Variants in RGPD5 observed in about 807,000 individuals in gnomAD.
RGPD5 encodes RANBP2 like and GRIP domain containing 5.
the RGPD5 span, among the ~76,000 whole-genome samples, chr2:109,761,211 T>G: frequency 7.0e-6 from 1 of 143,066 alleles, no homozygotes; most frequent in African/African-American, 2.6e-5. Flanking sequence ...GAAGTGCCCT[T>G]AGAGGATGCT....
chr2:109,772,451 T>G, the RGPD5 span, among the ~76,000 whole-genome samples: 1 of 85,720 alleles, frequency 1.2e-5, no homozygotes, highest in Non-Finnish European at 2.3e-5. Flanking sequence ...GGGAGCGGGG[T>G]AGGGATATGG....
chr2:109,767,417 TATGTTTCACTGAGA>T, the RGPD5 span, among the ~76,000 whole-genome samples: 2 of 139,328 alleles, frequency 1.4e-5, no homozygotes, highest in South Asian at 2.6e-4. Flanking sequence ...CATAATCTTT[TATGTTTCACTGAGA>T]ATGTATTGCA....
chr2:109,774,683 CT>C, the RGPD5 span, among the ~76,000 whole-genome samples: 3 of 50,550 alleles, frequency 5.9e-5, no homozygotes, highest in Admixed American at 3.7e-4. Context: ...AGGTTTTAGA[CT>C]AGTGGAATTC....
chr2:109,764,603 C>T, the RGPD5 span, among the ~76,000 whole-genome samples: 1 of 149,114 alleles, frequency 6.7e-6, no homozygotes, highest in Admixed American at 6.9e-5. Context: ...AAGTTTTCAA[C>T]ACTGGTGATT....
At chr2:109,766,705 A>G in the RGPD5 span, among the ~76,000 whole-genome samples, 22 of 115,804 alleles carry the variant, frequency 1.9e-4, no homozygotes, top group African/African-American at 9.0e-4. Flanking sequence ...ATTAATAGGC[A>G]AATTAAGAAA....
chr2:109,771,169 T>C, the RGPD5 span, among the ~76,000 whole-genome samples: 1 of 12,362 alleles, frequency 8.1e-5, no homozygotes, highest in African/African-American at 6.0e-4. Context: ...CTCGAGGAAA[T>C]AGATGGCAAC....
the RGPD5 span, among the ~76,000 whole-genome samples, chr2:109,778,290 A>C: frequency 1.5e-5 from 2 of 134,612 alleles, no homozygotes; most frequent in Non-Finnish European, 1.6e-5. Context: ...TCATTTTTTC[A>C]TTTGTAAAAT....
the RGPD5 span, among the ~76,000 whole-genome samples, chr2:109,766,287 G>C: frequency 1.6e-3 from 244 of 151,070 alleles, 4 homozygotes; most frequent in South Asian, 0.011. Context: ...GAGGCAGGGG[G>C]CCTCGATGGG....
the RGPD5 span, among the ~76,000 whole-genome samples, chr2:109,762,451 A>G: frequency 1.3e-5 from 2 of 149,332 alleles, no homozygotes; most frequent in South Asian, 2.2e-4. Context: ...CTGTTTCGGT[A>G]TATTTTTATG....
At chr2:109,764,310 GC>G in the RGPD5 span, among the ~76,000 whole-genome samples, 3 of 146,698 alleles carry the variant, frequency 2.0e-5, no homozygotes, top group African/African-American at 7.5e-5. Flanking sequence ...GCGCAAGGCT[GC>G]CCCCTCCACT....
chr2:109,763,048 CT>C, the RGPD5 span, among the ~76,000 whole-genome samples: 1 of 149,524 alleles, frequency 6.7e-6, no homozygotes, highest in Non-Finnish European at 1.5e-5. Context: ...TATTTGAGAA[CT>C]TTCTGTGTGT....
In RGPD5 at chr2:109,794,465, G is replaced by A; in HGVS notation, c.-1G>A. 3 of 462,030 alleles carry A rather than the reference G, an allele frequency of 6.5e-6. No individual in the cohort carries two copies. Among genetic ancestry groups the A allele is most frequent in the Non-Finnish European group, 4.8e-6 (2 of 418,200 alleles). 28.6% of individuals were successfully genotyped at this position (462,030 alleles called of 1,614,324 possible). On this transcript the variant is annotated 5_prime_UTR_variant, in exon 1 of 23. Transcript: ENST00000016946. ...GTCTCGGGAGCCAGGTTGGCGGCGCGATGAGGCGCAGCAAGGCCGATGTGG... is the reference window on the plus strand; with the variant it reads ...GTCTCGGGAGCCAGGTTGGCGGCGCAATGAGGCGCAGCAAGGCCGATGTGG...
the RGPD5 span, among the ~76,000 whole-genome samples, chr2:109,774,511 TA>T: frequency 2.5e-5 from 2 of 79,620 alleles, 1 homozygote; most frequent in African/African-American, 1.4e-4. Flanking sequence ...TATATATATA[TA>T]TAATATATAT....
chr2:109,764,089 G>GGATAA, the RGPD5 span, among the ~76,000 whole-genome samples: 1 of 147,872 alleles, frequency 6.8e-6, no homozygotes, highest in African/African-American at 2.5e-5. Flanking sequence ...CCAGATGGCT[G>GGATAA]TTTCAACTTT....
the RGPD5 span, among the ~76,000 whole-genome samples, chr2:109,761,258 C>T: frequency 6.7e-6 from 1 of 148,460 alleles, no homozygotes; most frequent in Non-Finnish European, 1.5e-5. Flanking sequence ...CGGCTGCATC[C>T]TTTCTGTCTC....
At chr2:109,765,380 CTCTT>C in the RGPD5 span, among the ~76,000 whole-genome samples, 2 of 149,376 alleles carry the variant, frequency 1.3e-5, no homozygotes, top group South Asian at 4.3e-4. Flanking sequence ...CTCTTTCTTT[CTCTT>C]TCTTTTTTTT....
chr2:109,761,270 CCCACCCACTT>C, the RGPD5 span, among the ~76,000 whole-genome samples: 1 of 146,726 alleles, frequency 6.8e-6, no homozygotes, highest in Non-Finnish European at 1.5e-5. Flanking sequence ...TTCTGTCTCT[CCCACCCACTT>C]CCACCGAGAT....
At chr2:109,764,428 G>A in the RGPD5 span, among the ~76,000 whole-genome samples, 2 of 148,198 alleles carry the variant, frequency 1.3e-5, no homozygotes, top group Non-Finnish European at 3.0e-5. Context: ...CAGGCTAACT[G>A]TTGCTTTCAT....
chr2:109,774,538 TAA>T, the RGPD5 span, among the ~76,000 whole-genome samples: 7 of 95,228 alleles, frequency 7.4e-5, 2 homozygotes, highest in African/African-American at 1.1e-4. Context: ...ATATTATATA[TAA>T]AATATATATA....
Sources: gnomAD v4.1 joint callset for allele counts (sites outside exome capture counted in the v4.1 genomes callset) on GRCh38, gnomAD v4.1.1 for gene constraint, MANE v1.5 for transcripts, NCBI Gene and HGNC (gene_info 2026-07-23, HGNC 2026-07-21) for gene names.